SS18: variants seen among roughly 807,000 people sequenced by gnomAD.
SS18 encodes SS18 subunit of BAF chromatin remodeling complex.
A neutral mutation model predicts 72.5 loss-of-function variants in SS18; 28 were observed. The ratio of observed to expected loss-of-function variants is 0.39; its 90% CI spans 0.29 to 0.53. SS18 has a LOEUF of 0.53. Among genes scored for constraint, SS18 ranks in the 20% least tolerant of loss-of-function variants. The pLI is 0.76. For synonymous variants in SS18, 172 were observed against 164.2 expected, an observed-to-expected ratio of 1.05 and a Z score of -0.37; for missense variants, 518 against 535.3, an observed-to-expected ratio of 0.97 and a Z score of 0.32.
intron 5 of SS18, among the ~76,000 whole-genome samples, chr18:26,048,655 T>C (rs1045689560): frequency 6.6e-6 from 1 of 152,218 alleles, no homozygotes; most frequent in Non-Finnish European, 1.5e-5. Flanking sequence ...GTTTAGGTAC[T>C]GAAAGAAAAA....
At chr18:26,068,899 A>G (rs1268927549) in intron 3 of SS18, among the ~76,000 whole-genome samples, 1 of 152,208 alleles carries the variant, frequency 6.6e-6, no homozygotes. Context: ...TTTAAAATTC[A>G]CGAAGTATAT....
At chr18:26,070,377 G>GT (rs1399319049) in intron 3 of SS18, among the ~76,000 whole-genome samples, 1 of 152,140 alleles carries the variant, frequency 6.6e-6, no homozygotes, top group Admixed American at 6.5e-5. Context: ...TGGCTGTCAG[G>GT]TAACACTGCA....
chr18:26,057,469 C>T, intron 4 of SS18, 120 bp downstream of exon 4: 1 of 1,141,836 alleles, frequency 8.8e-7, no homozygotes, highest in Non-Finnish European at 1.3e-6. Context: ...TCTAAGAGAG[C>T]TTGTACTCGG....
intron 10 of SS18, among the ~76,000 whole-genome samples, chr18:26,031,118 C>T (rs2143829403): frequency 6.6e-6 from 1 of 152,284 alleles, no homozygotes; most frequent in African/African-American, 2.4e-5. Context: ...TTACAATGAG[C>T]CTAAATTTTA....
At position 26,083,421 on chromosome 18, in the gene SS18, A is replaced by G. The variant is rs1320065484; in HGVS notation, c.146+4080T>C. ...ATTCATCACTTAACAATGGGGATAC[A>G]TTCTGATAAATGTGTTGTTAGGTGA... On this transcript the variant is annotated intron_variant, in intron 2 of 10. Coordinates refer to ENST00000415083, the MANE Select transcript of SS18 (RefSeq NM_001007559.3). 7.2e-5 allele frequency among the ~76,000 whole-genome samples: 11 copies of G among 152,316 alleles called. No homozygotes were observed. The South Asian group carries it at 1.2e-3, about 17-fold the overall frequency.
chr18:26,016,723 C>CAAA lies in SS18; in HGVS notation c.*1628_*1630dup. 5 of 188,976 alleles carry CAAA rather than the reference C, an allele frequency of 2.6e-5. No homozygotes were observed. The highest frequency in any genetic ancestry group is 8.4e-5 in the East Asian group (1 of 11,886). The allele number at this position is 188,976 out of a possible 1,614,324, so 11.7% of individuals were successfully genotyped here. A position where few individuals can be genotyped will look rare whatever the true frequency, so the allele number is the denominator to read the frequency against. On this transcript the variant is annotated 3_prime_UTR_variant, in exon 11 of 11. Transcript: ENST00000415083. ...GGGCGACAAGAGCAAGACTCCATCT[C>CAAA]AAAAAAAAAAACAAAGAACAAAAAA...
intron 10 of SS18, among the ~76,000 whole-genome samples, chr18:26,025,054 G>C (rs930263727): frequency 1.3e-5 from 2 of 152,100 alleles, no homozygotes; most frequent in Non-Finnish European, 2.9e-5. Context: ...TATTGGCAGG[G>C]ATAAAGACAG....
rs776112605 is a variant in SS18 at position 26,052,685 on chromosome 18, A to G, written c.546T>C (p.Ser182=). ...CATAGTTTCCCATTGGTTGTCCCTGACTCATTGTCATCTGATTCTGTACTG... is the reference window on the plus strand; with the variant it reads ...CATAGTTTCCCATTGGTTGTCCCTGGCTCATTGTCATCTGATTCTGTACTG... ...SMPVQNQMTM[S]QGQPMGNYGP... The change falls in exon 5 of 11, where the codon AGT becomes AGC. Residue 182 remains serine (S), a synonymous_variant. Transcript: ENST00000415083. 1 of 1,613,888 alleles carries G rather than the reference A, an allele frequency of 6.2e-7. No individual in the cohort carries two copies. The highest frequency in any genetic ancestry group is 1.3e-5 in the African/African-American group (1 of 74,884).
Position 26,017,919 on chromosome 18 carries a change from T to C in SS18, c.*435A>G. ...TGTACCGCCTTGCATATTCACCACA[T>C]GAAATAAACATAATATACAAAATAT... On this transcript the variant is annotated 3_prime_UTR_variant, in exon 11 of 11. Transcript: ENST00000415083. The C allele has an allele frequency of 8.4e-6, 2 of 237,650 alleles. No individual in the cohort carries two copies. Among genetic ancestry groups the C allele is most frequent in the Non-Finnish European group, 1.7e-5 (2 of 120,876 alleles). The allele number at this position is 237,650 out of a possible 1,614,324, so 14.7% of individuals were successfully genotyped here.
chr18:26,023,470 G>A (rs2053388881), intron 10 of SS18: 1 of 364,882 alleles, frequency 2.7e-6, no homozygotes, highest in South Asian at 3.1e-5. Context: ...CAAACAATTT[G>A]ATAAAGGGAA....
At position 26,017,130 on chromosome 18, in the gene SS18, A is replaced by T. The variant is rs1452640743; in HGVS notation, c.*1224T>A. ...AGGCACAGGACAGTCTCAAATAATGATTAAAATATGCCATGCTAATAAACA... is the reference window on the plus strand; with the variant it reads ...AGGCACAGGACAGTCTCAAATAATGTTTAAAATATGCCATGCTAATAAACA... On this transcript the variant is annotated 3_prime_UTR_variant, in exon 11 of 11. Transcript: ENST00000415083. 3.3e-5 allele frequency: 7 copies of T among 214,242 alleles called. No individual in the cohort carries two copies. Among genetic ancestry groups the T allele is most frequent in the African/African-American group, 1.4e-4 (6 of 44,310 alleles). The allele number at this position is 214,242 out of a possible 1,614,324, so 13.3% of individuals were successfully genotyped here. A position where few individuals can be genotyped will look rare whatever the true frequency, so the allele number is the denominator to read the frequency against.
intron 1 of SS18, among the ~76,000 whole-genome samples, chr18:26,087,938 T>G (rs1051569953): frequency 2.6e-5 from 4 of 152,210 alleles, no homozygotes; most frequent in East Asian, 3.8e-4. Flanking sequence ...TGTAAAAATA[T>G]GCCATGCACA....
At position 26,090,389 on chromosome 18, in the gene SS18, G is replaced by C. The variant is rs1411071070; in HGVS notation, c.69+112C>G. 10 of 1,073,828 alleles carry C rather than the reference G, an allele frequency of 9.3e-6. No homozygotes were observed. In the East Asian group the frequency reaches 2.3e-4, roughly 25 times the overall value. The allele number at this position is 1,073,828 out of a possible 1,614,324, so 66.5% of individuals were successfully genotyped here. ...TGTTCCCAAACACTGCTGATTCCCA[G>C]CAGGCCCGCCTCCGCCTCGGCCCGG... On this transcript the variant is annotated intron_variant, in intron 1 of 10. Coordinates refer to ENST00000415083, the MANE Select transcript of SS18 (RefSeq NM_001007559.3).
At chr18:26,090,625 T>G (rs756334008), upstream of SS18, 6 of 1,521,760 alleles carry the variant, frequency 3.9e-6, no homozygotes, top group East Asian at 2.5e-5. Flanking sequence ...AACGGCAAAC[T>G]GGGGGAGAGA....
At chr18:26,034,722 C>A (rs1160339393) in intron 9 of SS18, among the ~76,000 whole-genome samples, 1 of 152,074 alleles carries the variant, frequency 6.6e-6, no homozygotes, top group Non-Finnish European at 1.5e-5. Flanking sequence ...ACACACAGGG[C>A]TAGGCATGAC....
At chr18:26,039,496 TA>T in intron 5 of SS18, 40 bp from the exon 6 acceptor site, 1 of 1,530,774 alleles carries the variant, frequency 6.5e-7, no homozygotes, top group Non-Finnish European at 8.9e-7. Flanking sequence ...ATTTTTTGTA[TA>T]TAACTTTAAC....
chr18:26,052,726 A>G lies in SS18; in HGVS notation c.505T>C (p.Ser169Pro). The G allele has an allele frequency of 6.2e-7, 1 of 1,613,988 alleles. No homozygotes were observed. The highest frequency in any genetic ancestry group is 1.1e-5 in the South Asian group (1 of 91,082). The change falls in exon 5 of 11, where the codon TCA becomes CCA. Residue 169 changes from serine to proline, a missense_variant. Ser to Pro is a moderately conservative substitution (Grantham distance 74). Coordinates refer to ENST00000415083, the MANE Select transcript of SS18 (RefSeq NM_001007559.3). ...SMGGYNHSVP[S>P]SQSMPVQNQM... The stretch of plus-strand genomic sequence containing the variant: ...TTCTGTACTGGCATGCTCTGTGATG[A>G]TGGCACAGAATGGTTGTAACCTCCC...
At chr18:26,036,172 T>C (rs1278091485) in intron 7 of SS18, among the ~76,000 whole-genome samples, 1 of 143,042 alleles carries the variant, frequency 7.0e-6, no homozygotes, top group African/African-American at 2.9e-5. Flanking sequence ...AATCTGATAA[T>C]CCTCATTGAG....
chr18:26,024,031 G>A (rs747492517), intron 10 of SS18, among the ~76,000 whole-genome samples: 2 of 151,900 alleles, frequency 1.3e-5, no homozygotes, highest in Non-Finnish European at 2.9e-5. Flanking sequence ...ACTGATACAC[G>A]CTACACAGAC....
Sources: allele counts gnomAD v4.1 joint callset (sites outside exome capture counted in the v4.1 genomes callset), GRCh38; gene constraint gnomAD v4.1.1; transcripts MANE v1.5; gene names NCBI Gene and HGNC (gene_info 2026-07-23, HGNC 2026-07-21).